Variants in SPOCK1 observed in about 807,000 individuals in gnomAD.
SPOCK1 encodes testican-1.
In SPOCK1, 23 loss-of-function variants were observed where a neutral mutation model predicts 55.3. That is an observed-to-expected ratio of 0.42 (90% CI 0.30 to 0.59). SPOCK1 has a LOEUF of 0.59. Ranked by LOEUF, SPOCK1 falls within the 20% of genes least tolerant of loss-of-function variation. SPOCK1 has a pLI of 0.22. For missense variants in SPOCK1, 499 were observed against 552.5 expected (o/e 0.90, Z 0.97); for synonymous variants, 226 against 221.0 (o/e 1.02, Z -0.20).
intron 3 of SPOCK1, among the ~76,000 whole-genome samples, chr5:137,163,023 A>C (rs546192678): frequency 6.6e-6 from 1 of 152,312 alleles, no homozygotes; most frequent in Admixed American, 6.5e-5. Context: ...GCAGAGCTGA[A>C]ACTAGAACTC....
intron 2 of SPOCK1, among the ~76,000 whole-genome samples, chr5:137,269,799 T>C (rs895533559): frequency 3.3e-5 from 5 of 152,102 alleles, no homozygotes; most frequent in Non-Finnish European, 5.9e-5. Context: ...CACTTAACGA[T>C]TGGGGTGCTC....
At chr5:137,103,969 C>T (rs1753316279) in intron 5 of SPOCK1, among the ~76,000 whole-genome samples, 1 of 152,230 alleles carries the variant, frequency 6.6e-6, no homozygotes, top group South Asian at 2.1e-4. Flanking sequence ...AACCTTCAAA[C>T]TGTTGAATGT....
At chr5:137,141,528 A>AG (rs1274390912) in intron 3 of SPOCK1, among the ~76,000 whole-genome samples, 2 of 152,204 alleles carry the variant, frequency 1.3e-5, no homozygotes, top group Non-Finnish European at 2.9e-5. Flanking sequence ...CGTAACAGGG[A>AG]GGGGGAAAAG....
At chr5:137,038,601 G>A (rs1038272534) in intron 6 of SPOCK1, among the ~76,000 whole-genome samples, 1 of 152,194 alleles carries the variant, frequency 6.6e-6, no homozygotes, top group African/African-American at 2.4e-5. Flanking sequence ...GAGCTTTGCA[G>A]TGGCTTTAAT....
At chr5:137,204,651 A>T (rs1404013349) in intron 3 of SPOCK1, among the ~76,000 whole-genome samples, 1 of 75,112 alleles carries the variant, frequency 1.3e-5, no homozygotes, top group African/African-American at 8.7e-5. Flanking sequence ...GCAAGCTGCA[A>T]TATTACAAGC....
chr5:137,016,914 T>C (rs1011385266), intron 6 of SPOCK1, among the ~76,000 whole-genome samples: 1 of 152,184 alleles, frequency 6.6e-6, no homozygotes, highest in African/African-American at 2.4e-5. Flanking sequence ...CCAGGAACAA[T>C]GGGGCTTTGT....
chr5:137,096,806 A>T (rs1484537761), intron 5 of SPOCK1, among the ~76,000 whole-genome samples: 1 of 151,954 alleles, frequency 6.6e-6, no homozygotes, highest in East Asian at 1.9e-4. Flanking sequence ...ACTGAACCCA[A>T]CCCCTCCCAG....
At chr5:137,386,665 G>A (rs965424790) in intron 2 of SPOCK1, among the ~76,000 whole-genome samples, 1 of 152,032 alleles carries the variant, frequency 6.6e-6, no homozygotes, top group Non-Finnish European at 1.5e-5. Flanking sequence ...ACTCAAAATG[G>A]ATCACAGACC....
At chr5:137,401,277 G>T (rs1580905358) in intron 2 of SPOCK1, among the ~76,000 whole-genome samples, 1 of 150,948 alleles carries the variant, frequency 6.6e-6, no homozygotes, top group Non-Finnish European at 1.5e-5. Flanking sequence ...AGAGTCTTGT[G>T]GGGGGCAGGG....
rs544794333 is a variant in SPOCK1 at position 137,060,832 on chromosome 5, C to G, written c.589+6883G>C. On this transcript the variant is annotated intron_variant, in intron 6 of 10. Coordinates refer to ENST00000394945, the MANE Select transcript of SPOCK1 (RefSeq NM_004598.4). The stretch of plus-strand genomic sequence containing the variant: ...TGCTATCAAATAGACTTCAGAGGAC[C>G]AGGAAAACCTGTGGTGCACTTTCCC... Among the ~76,000 whole-genome samples the G allele has an allele frequency of 2.6e-5, 4 of 152,256 alleles. No homozygotes were observed. In the South Asian group the frequency reaches 8.3e-4, roughly 32 times the overall value.
intron 2 of SPOCK1, among the ~76,000 whole-genome samples, chr5:137,424,590 C>T (rs1365558394): frequency 6.6e-6 from 1 of 152,172 alleles, no homozygotes; most frequent in South Asian, 2.1e-4. Flanking sequence ...ATAATAGTCT[C>T]AAGCTGGAAA....
chr5:137,023,193 G>T (rs1387253511), intron 6 of SPOCK1, among the ~76,000 whole-genome samples: 1 of 152,106 alleles, frequency 6.6e-6, no homozygotes, highest in Non-Finnish European at 1.5e-5. Context: ...GCTTTTAAGA[G>T]GATTCAAATA....
intron 2 of SPOCK1, among the ~76,000 whole-genome samples, chr5:137,453,613 T>C (rs1753304231): frequency 6.6e-6 from 1 of 152,152 alleles, no homozygotes; most frequent in African/African-American, 2.4e-5. Context: ...GAGCAAAAGG[T>C]TTCATTCCAT....
intron 5 of SPOCK1, among the ~76,000 whole-genome samples, chr5:137,088,564 G>A (rs1401867539): frequency 6.6e-6 from 1 of 151,994 alleles, no homozygotes; most frequent in Non-Finnish European, 1.5e-5. Context: ...CCTGCCCCTC[G>A]TCTCACCCAC....
intron 3 of SPOCK1, among the ~76,000 whole-genome samples, chr5:137,225,598 C>G (rs1048162395): frequency 6.6e-6 from 1 of 152,208 alleles, no homozygotes; most frequent in African/African-American, 2.4e-5. Context: ...AATGCTAGGG[C>G]ATGCCACACG....
chr5:137,032,937 C>A (rs941069785), intron 6 of SPOCK1, among the ~76,000 whole-genome samples: 2 of 152,198 alleles, frequency 1.3e-5, no homozygotes, highest in African/African-American at 2.4e-5. Flanking sequence ...TTCTTCTGTT[C>A]CTGTTCCTGA....
At chr5:137,323,186 T>C (rs1758010769) in intron 2 of SPOCK1, among the ~76,000 whole-genome samples, 1 of 152,228 alleles carries the variant, frequency 6.6e-6, no homozygotes, top group South Asian at 2.1e-4. Context: ...TCCCTATTGG[T>C]AATTATTTTC....
intron 4 of SPOCK1, among the ~76,000 whole-genome samples, chr5:137,136,657 A>G (rs1476692216): frequency 6.6e-6 from 1 of 152,186 alleles, no homozygotes; most frequent in African/African-American, 2.4e-5. Flanking sequence ...AATGTTTTCT[A>G]TAACAAGCAT....
chr5:137,474,296 C>A (rs1345965354), intron 2 of SPOCK1, among the ~76,000 whole-genome samples: 1 of 152,028 alleles, frequency 6.6e-6, no homozygotes, highest in African/African-American at 2.4e-5. Context: ...TACGGTAATT[C>A]CTAGACTCTT....
Sources: allele counts gnomAD v4.1 joint callset (sites outside exome capture counted in the v4.1 genomes callset), GRCh38; gene constraint gnomAD v4.1.1; transcripts MANE v1.5; gene names NCBI Gene and HGNC (gene_info 2026-07-23, HGNC 2026-07-21).